The following PUM1 variants were observed in gnomAD, a reference collection of about 807,000 sequenced individuals.
PUM1 encodes pumilio homolog 1.
A neutral mutation model predicts 131.8 loss-of-function variants in PUM1; 13 were observed. The observed-to-expected ratio is 0.10, with a 90% CI of 0.06 to 0.16. The LOEUF (loss-of-function observed/expected upper bound fraction) is 0.16. PUM1 is among the 10% of genes least tolerant of loss of function. PUM1 has a pLI of 1.00. For synonymous variants in PUM1, 509 were observed against 556.5 expected, an observed-to-expected ratio of 0.91 and a Z score of 1.20; for missense variants, 961 against 1,512.4, an observed-to-expected ratio of 0.64 and a Z score of 6.05.
At chr1:31,056,302 C>CA (rs78283393) in intron 2 of PUM1, among the ~76,000 whole-genome samples, 11,019 of 152,030 alleles carry the variant, frequency 0.072, 664 homozygotes, top group East Asian at 0.29. Context: ...TTTTTGGAGA[C>CA]AGAGTTTCGC....
rs568698240 is a variant in PUM1, at chr1:30,966,191, T to C, written c.1877A>G (p.Gln626Arg). The C allele has an allele frequency of 1.2e-6, 2 of 1,614,082 alleles. No individual in the cohort carries two copies. The highest frequency in any genetic ancestry group is 1.7e-6 in the Non-Finnish European group (2 of 1,179,990). ...CTGCTGGGGCTGGGGCTGAGGCTGCTGTGTTCCTAAAGGGCGAAATGGTCC... is the reference window on the plus strand; with the variant it reads ...CTGCTGGGGCTGGGGCTGAGGCTGCCGTGTTCCTAAAGGGCGAAATGGTCC... Reference protein sequence around the residue: ...TNGPFRPLGTQQPQPQPQQQP... With the variant: ...TNGPFRPLGTRQPQPQPQQQP... Residue 626 changes from glutamine to arginine, a missense_variant, in exon 13 of 22, where the codon CAG (glutamine) becomes CGG (arginine). Physicochemically the swap from Gln to Arg is conservative, Grantham distance 43 (BLOSUM62 1). This residue lies in a region of PUM1 where 654 missense variants were observed against 923.9 expected (regional missense o/e 0.71). Coordinates refer to ENST00000426105, the MANE Select transcript of PUM1 (RefSeq NM_001020658.2).
chr1:30,970,793 T>C (rs1471914825), intron 10 of PUM1, among the ~76,000 whole-genome samples: 1 of 152,198 alleles, frequency 6.6e-6, no homozygotes, highest in Non-Finnish European at 1.5e-5. Context: ...CAAATGCTAA[T>C]AGTTCAAAAT....
chr1:30,988,361 A>G (rs1037413868), intron 7 of PUM1, among the ~76,000 whole-genome samples: 2 of 152,208 alleles, frequency 1.3e-5, no homozygotes, highest in Admixed American at 6.5e-5. Flanking sequence ...ATAGGCTGAT[A>G]ATAAGTTTGA....
In PUM1 at chr1:31,022,025, G is replaced by A. The variant is rs75076237; in HGVS notation, c.432+6771C>T. On this transcript the variant is annotated intron_variant, in intron 3 of 21. Coordinates refer to ENST00000426105, the MANE Select transcript of PUM1 (RefSeq NM_001020658.2). Reference sequence around the variant, plus strand: ...TACATGAGGTGATTAGCATAGTTCTGGGAAAATTGTATACACTCAATATTT... The same window carrying A: ...TACATGAGGTGATTAGCATAGTTCTAGGAAAATTGTATACACTCAATATTT... 4.5e-3 allele frequency among the ~76,000 whole-genome samples: 684 copies of A among 151,384 alleles called. 3 individuals carry two copies. Among genetic ancestry groups the A allele is most frequent in the African/African-American group, 0.016 (643 of 41,214 alleles).
chr1:31,011,195 ACACACACACT>A (rs1180842759), intron 3 of PUM1, among the ~76,000 whole-genome samples: 2 of 147,064 alleles, frequency 1.4e-5, no homozygotes, highest in African/African-American at 4.9e-5. Flanking sequence ...ACACACACAC[ACACACACACT>A]GTGCTGTTTT....
At chr1:30,939,063 T>C (rs185562802) in intron 20 of PUM1, among the ~76,000 whole-genome samples, 118 of 152,322 alleles carry the variant, frequency 7.7e-4, no homozygotes, top group Non-Finnish European at 1.4e-3. Context: ...ACAGCTGCTG[T>C]ATAATCCTTC....
chr1:31,039,288 A>T (rs1419742317), intron 2 of PUM1, among the ~76,000 whole-genome samples: 1 of 150,512 alleles, frequency 6.6e-6, no homozygotes, highest in African/African-American at 2.5e-5. Flanking sequence ...GCACGATCTC[A>T]GCTCACTGCA....
chr1:30,971,618 A>G (rs1640874095), intron 10 of PUM1, among the ~76,000 whole-genome samples: 1 of 152,202 alleles, frequency 6.6e-6, no homozygotes. Context: ...GTCAAGACAG[A>G]GGCTTATGTT....
Position 30,992,666 on chromosome 1 carries a change from C to CA in PUM1, c.888-7dup, listed in dbSNP as rs1345404629. On this transcript the variant is annotated splice_polypyrimidine_tract_variant and splice_region_variant and intron_variant, in intron 6 of 21. Transcript: ENST00000426105. ...GGCAATTACCAGGGGTACGGCTAAA[C>CA]AGAGAAAGTAAAGGGCATTAAACCT... 6.2e-7 allele frequency: 1 copy of CA among 1,609,560 alleles called. No homozygotes were observed. The highest frequency in any genetic ancestry group is 2.2e-5 in the East Asian group (1 of 44,792).
At position 31,063,737 on chromosome 1, in the gene PUM1, T is replaced by A. The variant is rs116330581; in HGVS notation, c.-12+1879A>T. Among the ~76,000 whole-genome samples, 674 of 152,314 alleles carry A rather than the reference T, an allele frequency of 4.4e-3. 1 individual carries two copies. The highest frequency in any genetic ancestry group is 8.3e-3 in the Non-Finnish European group (566 of 68,014). On this transcript the variant is annotated intron_variant, in intron 1 of 21. Coordinates refer to ENST00000426105, the MANE Select transcript of PUM1 (RefSeq NM_001020658.2). Reference sequence around the variant, plus strand: ...AGGAATGGGGGAAAGAAAAGACTCCTATAAAAATGTTCAAACGAAACAATT... The same window carrying A: ...AGGAATGGGGGAAAGAAAAGACTCCAATAAAAATGTTCAAACGAAACAATT...
intron 7 of PUM1, among the ~76,000 whole-genome samples, chr1:30,987,806 T>C (rs967260748): frequency 8.5e-5 from 13 of 152,240 alleles, no homozygotes; most frequent in Non-Finnish European, 1.8e-4. Flanking sequence ...ACCTGAAATT[T>C]AGCATGTTCT....
chr1:31,014,006 G>A (rs549170789), intron 3 of PUM1, among the ~76,000 whole-genome samples: 1 of 152,044 alleles, frequency 6.6e-6, no homozygotes, highest in Non-Finnish European at 1.5e-5. Flanking sequence ...AACTACATAC[G>A]TATCAAAAGT....
At position 30,956,875 on chromosome 1, in the gene PUM1, T is replaced by C. The variant is rs977712228; in HGVS notation, c.2324-2894A>G. Among the ~76,000 whole-genome samples the C allele has an allele frequency of 3.7e-4, 57 of 152,282 alleles. 2 individuals carry two copies. Among genetic ancestry groups the C allele is most frequent in the Non-Finnish European group, 8.8e-5 (6 of 68,022 alleles). On this transcript the variant is annotated intron_variant, in intron 14 of 21. Coordinates refer to ENST00000426105, the MANE Select transcript of PUM1 (RefSeq NM_001020658.2). ...TGCCCTACCACTATACTTCCAGTTA[T>C]AAAGGCCAATAAATGCACTTATTGT...
chr1:31,049,011 G>A (rs949889330), intron 2 of PUM1, among the ~76,000 whole-genome samples: 1 of 151,812 alleles, frequency 6.6e-6, no homozygotes, highest in Non-Finnish European at 1.5e-5. Flanking sequence ...CTCAAGACCA[G>A]CCTGGCCAAT....
rs1221684952 is a variant in PUM1 at position 30,977,334 on chromosome 1, G to T, written c.1355-2532C>A. 4.6e-5 allele frequency among the ~76,000 whole-genome samples: 7 copies of T among 152,246 alleles called. No individual in the cohort carries two copies. In the East Asian group the frequency reaches 9.6e-4, roughly 21 times the overall value. ...GGATGCTCAACCTGTAATACATGTT[G>T]GGAGTACAGCCGTATCTACCTTGAA... On this transcript the variant is annotated intron_variant, in intron 9 of 21. Coordinates refer to ENST00000426105, the MANE Select transcript of PUM1 (RefSeq NM_001020658.2).
intron 2 of PUM1, among the ~76,000 whole-genome samples, chr1:31,041,894 A>C (rs1464480553): frequency 6.6e-6 from 1 of 152,178 alleles, no homozygotes; most frequent in African/African-American, 2.4e-5. Flanking sequence ...AAAGATAAAA[A>C]TGTGCATACA....
intron 2 of PUM1, among the ~76,000 whole-genome samples, chr1:31,045,008 T>C (rs1643918600): frequency 6.6e-6 from 1 of 151,994 alleles, no homozygotes; most frequent in Admixed American, 6.6e-5. Context: ...TGTGGTTTCA[T>C]ATGTTGGTCT....
intron 20 of PUM1, among the ~76,000 whole-genome samples, chr1:30,940,925 T>C (rs1175334355): frequency 6.6e-6 from 1 of 152,194 alleles, no homozygotes; most frequent in South Asian, 2.1e-4. Flanking sequence ...TCACATTCTT[T>C]AGTAACATAT....
At chr1:31,028,423 G>C (rs1208459861) in intron 3 of PUM1, among the ~76,000 whole-genome samples, 2 of 152,066 alleles carry the variant, frequency 1.3e-5, no homozygotes, top group East Asian at 3.9e-4. Context: ...CATTGGCGGG[G>C]GGGGTGGGTT....
Sources: allele counts gnomAD v4.1 joint callset (sites outside exome capture counted in the v4.1 genomes callset), GRCh38; gene constraint gnomAD v4.1.1; regional missense constraint gnomAD v4.1.1; transcripts MANE v1.5; gene names NCBI Gene and HGNC (gene_info 2026-07-23, HGNC 2026-07-21).